Variants in IRF2 observed in about 807,000 individuals in gnomAD.
IRF2 encodes the protein interferon regulatory factor 2.
A neutral mutation model predicts 40.6 loss-of-function variants in IRF2; 15 were observed. The ratio of observed to expected loss-of-function variants is 0.37; its 90% CI spans 0.25 to 0.57. The LOEUF (loss-of-function observed/expected upper bound fraction) is 0.57. IRF2 is among the 20% of genes least tolerant of loss of function. IRF2 has a pLI of 0.77. For synonymous variants in IRF2, 151 were observed against 165.5 expected, an observed-to-expected ratio of 0.91 and a Z score of 0.67; for missense variants, 317 against 455.7, an observed-to-expected ratio of 0.70 and a Z score of 2.77.
At chr4:184,401,518 A>G (rs534812378) in intron 6 of IRF2, among the ~76,000 whole-genome samples, 3 of 152,320 alleles carry the variant, frequency 2.0e-5, no homozygotes, top group African/African-American at 7.2e-5. Context: ...CAGACTCCCA[A>G]GCCCATTTAT....
intron 2 of IRF2, among the ~76,000 whole-genome samples, chr4:184,421,795 G>A (rs978433722): frequency 1.3e-5 from 2 of 152,108 alleles, no homozygotes; most frequent in African/African-American, 4.8e-5. Flanking sequence ...CTACAAAAGC[G>A]CTGACCAAAC....
intron 1 of IRF2, among the ~76,000 whole-genome samples, chr4:184,443,877 T>C (rs986239795): frequency 1.3e-5 from 2 of 152,200 alleles, no homozygotes; most frequent in African/African-American, 4.8e-5. Flanking sequence ...ATGACAGCCC[T>C]AGGAAATGGT....
chr4:184,470,510 G>A (rs1455857715), intron 1 of IRF2, among the ~76,000 whole-genome samples: 2 of 151,860 alleles, frequency 1.3e-5, no homozygotes, highest in Non-Finnish European at 2.9e-5. Flanking sequence ...CTGAAACCCC[G>A]TCTCTACTAA....
At chr4:184,435,079 T>C (rs898053481) in intron 1 of IRF2, among the ~76,000 whole-genome samples, 5 of 152,162 alleles carry the variant, frequency 3.3e-5, no homozygotes, top group Non-Finnish European at 7.3e-5. Context: ...CCTAGGGTTT[T>C]CTACAAGTTT....
intron 1 of IRF2, among the ~76,000 whole-genome samples, chr4:184,454,757 C>T (rs1738850264): frequency 6.6e-6 from 1 of 152,254 alleles, no homozygotes; most frequent in African/African-American, 2.4e-5. Flanking sequence ...TCACCACTCA[C>T]AACCTTCAAC....
At chr4:184,463,988 A>G (rs947981816) in intron 1 of IRF2, among the ~76,000 whole-genome samples, 15 of 152,350 alleles carry the variant, frequency 9.8e-5, no homozygotes, top group African/African-American at 7.2e-5. Context: ...ATATAAAGGG[A>G]AAAAATGTAT....
At chr4:184,443,050 T>C (rs1480471667) in intron 1 of IRF2, among the ~76,000 whole-genome samples, 3 of 152,096 alleles carry the variant, frequency 2.0e-5, no homozygotes, top group African/African-American at 4.8e-5. Flanking sequence ...CTCAGCCTCC[T>C]GTGTAGCTGG....
chr4:184,391,513 C>T (rs1213607198), intron 7 of IRF2, among the ~76,000 whole-genome samples: 1 of 152,198 alleles, frequency 6.6e-6, no homozygotes, highest in Non-Finnish European at 1.5e-5. Context: ...TGCTTCCAGC[C>T]AACAGCCAGC....
intron 1 of IRF2, among the ~76,000 whole-genome samples, chr4:184,432,505 G>A (rs1415590637): frequency 3.9e-5 from 6 of 152,202 alleles, no homozygotes; most frequent in African/African-American, 7.2e-5. Flanking sequence ...GGGAAAATAC[G>A]TATATTAGAT....
At chr4:184,445,167 G>A (rs1264530973) in intron 1 of IRF2, among the ~76,000 whole-genome samples, 1 of 152,212 alleles carries the variant, frequency 6.6e-6, no homozygotes, top group Non-Finnish European at 1.5e-5. Context: ...AGAGACAGTT[G>A]TTTGACCTGG....
rs553620272 is a variant in IRF2 at position 184,448,282 on chromosome 4, G to C, written c.-6-19212C>G. Among the ~76,000 whole-genome samples the C allele has an allele frequency of 2.0e-5, 3 of 152,092 alleles. No homozygotes were observed. The highest frequency in any genetic ancestry group is 2.0e-4 in the Admixed American group (3 of 15,266). On this transcript the variant is annotated intron_variant, in intron 1 of 8. Coordinates refer to ENST00000393593, the MANE Select transcript of IRF2 (RefSeq NM_002199.4). The surrounding 1 kb of genome is among the most constrained non-coding windows in gnomAD (Gnocchi z 4.3). ...GTGGTGCTTAAATGAAGCTGCTGGCGGTTTATTCGTCCTCCGTGCACCAGG... is the reference window on the plus strand; with the variant it reads ...GTGGTGCTTAAATGAAGCTGCTGGCCGTTTATTCGTCCTCCGTGCACCAGG...
Position 184,388,831 on chromosome 4 carries a change from G to T in IRF2, c.977C>A (p.Pro326Gln). The change falls in exon 9 of 9, where the codon CCA becomes CAA. Residue 326 changes from proline to glutamine, a missense_variant. This residue lies in a region of IRF2 where 262 missense variants were observed against 334.0 expected (regional missense o/e 0.78). Transcript: ENST00000393593. The surrounding 1 kb of genome is among the most constrained non-coding windows in gnomAD (Gnocchi z 4.6). ...SMTPASSSSRPDRETRASVIK... is the reference protein window; with the variant it reads ...SMTPASSSSRQDRETRASVIK... ...GACGCTGGCCCGGGTCTCCCGGTCT[G>T]GCCGACTGCTGCTGGATGCTGGGGT... 6.2e-7 allele frequency: 1 copy of T among 1,614,044 alleles called. No individual in the cohort carries two copies.
intron 1 of IRF2, among the ~76,000 whole-genome samples, chr4:184,466,570 C>A (rs1463348965): frequency 6.6e-6 from 1 of 152,104 alleles, no homozygotes; most frequent in Non-Finnish European, 1.5e-5. Flanking sequence ...CAAGGAAGAT[C>A]AGTACGGGGG....
At chr4:184,454,659 A>G (rs946789592) in intron 1 of IRF2, among the ~76,000 whole-genome samples, 7 of 152,094 alleles carry the variant, frequency 4.6e-5, no homozygotes, top group Admixed American at 2.0e-4. Context: ...CAGGACCACA[A>G]TGATTTCTTT....
rs1179912418 is a variant in IRF2, at chr4:184,441,009, T to G, written c.-6-11939A>C. ...AACGTCTCGCCATACCTTGAAAGATTGTTCAAATGTCTCTTTTCCACAATA... is the reference window on the plus strand; with the variant it reads ...AACGTCTCGCCATACCTTGAAAGATGGTTCAAATGTCTCTTTTCCACAATA... On this transcript the variant is annotated intron_variant, in intron 1 of 8. Coordinates refer to ENST00000393593, the MANE Select transcript of IRF2 (RefSeq NM_002199.4). Among the ~76,000 whole-genome samples the G allele has an allele frequency of 3.2e-4, 49 of 152,168 alleles. 1 individual carries two copies. Among genetic ancestry groups the G allele is most frequent in the Admixed American group, 3.2e-3 (49 of 15,290 alleles).
At position 184,388,937 on chromosome 4, in the gene IRF2, T is replaced by C; in HGVS notation, c.871A>G (p.Thr291Ala). 1 of 1,614,174 alleles carries C rather than the reference T, an allele frequency of 6.2e-7. No individual in the cohort carries two copies. The highest frequency in any genetic ancestry group is 8.5e-7 in the Non-Finnish European group (1 of 1,180,018). ...ACCGGATTGCTCTCCTCTTTGATGG[T>C]GACCTGGAGGTCCGGTTTGTTGGAA... The part of the protein sequence containing the change: ...VTSNKPDLQV[T>A]IKEESNPVPY... Residue 291 changes from threonine to alanine, a missense_variant, in exon 9 of 9, where the codon ACC becomes GCC. Thr to Ala is a moderately conservative substitution (Grantham distance 58). Around this residue, in one of 2 missense-constraint regions of IRF2, gnomAD observed 262 missense variants for 334.0 expected, o/e 0.78. Coordinates refer to ENST00000393593, the MANE Select transcript of IRF2 (RefSeq NM_002199.4). This position sits in a 1 kb window ranked among gnomAD's most constrained non-coding sequence, Gnocchi z 4.6.
intron 1 of IRF2, among the ~76,000 whole-genome samples, chr4:184,463,720 A>G (rs1000673000): frequency 5.3e-5 from 8 of 152,182 alleles, no homozygotes; most frequent in African/African-American, 1.9e-4. Context: ...GTCATGCCCA[A>G]TCCTACTTCC....
intron 1 of IRF2, among the ~76,000 whole-genome samples, chr4:184,429,564 C>G (rs1737799030): frequency 6.6e-6 from 1 of 152,188 alleles, no homozygotes; most frequent in Non-Finnish European, 1.5e-5. Context: ...ACATTTAAAG[C>G]TCGAAAGGAA....
chr4:184,446,184 A>G (rs1176894902), intron 1 of IRF2, among the ~76,000 whole-genome samples: 1 of 152,234 alleles, frequency 6.6e-6, no homozygotes, highest in Non-Finnish European at 1.5e-5. Context: ...TTTGGCCTTC[A>G]AAACTGTGAG....
Sources: allele counts gnomAD v4.1 joint callset (sites outside exome capture counted in the v4.1 genomes callset), GRCh38; gene constraint gnomAD v4.1.1; regional missense constraint gnomAD v4.1.1; non-coding constraint Gnocchi (gnomAD v3.1); transcripts MANE v1.5; gene names NCBI Gene and HGNC (gene_info 2026-07-23, HGNC 2026-07-21).